NOP9: variants seen among roughly 807,000 people sequenced by gnomAD.
The protein encoded by NOP9 is nucleolar protein 9.
NOP9 carries 50 observed loss-of-function variants against 63.0 expected under a neutral mutation model. That is an observed-to-expected ratio of 0.79 (90% CI 0.63 to 1.00). NOP9 has a LOEUF of 1.00. Ranked by LOEUF, NOP9 falls within the 50% of genes least tolerant of loss-of-function variation. The pLI is 0.00. For synonymous variants in NOP9, 343 were observed against 332.8 expected, an observed-to-expected ratio of 1.03 and a Z score of -0.33; for missense variants, 758 against 803.0, an observed-to-expected ratio of 0.94 and a Z score of 0.68.
intron 6 of NOP9, 34 bp downstream of exon 6, chr14:24,303,248 C>T (rs764103207): frequency 1.9e-6 from 3 of 1,612,836 alleles, no homozygotes; most frequent in South Asian, 1.1e-5. Context: ...TGTTTATGCC[C>T]TCAGTTCAAC....
the NOP9 span, chr14:24,271,799 G>A: frequency 6.6e-6 from 1 of 152,148 alleles, no homozygotes; most frequent in African/African-American, 2.4e-5. Context: ...TAGTGGAAGA[G>A]GTTTCTCCAA....
Position 24,305,952 on chromosome 14 carries a change from T to C in NOP9, c.*857T>C. The C allele has an allele frequency of 6.2e-7, 1 of 1,613,378 alleles. No homozygotes were observed. The highest frequency in any genetic ancestry group is 8.5e-7 in the Non-Finnish European group (1 of 1,179,524). On this transcript the variant is annotated 3_prime_UTR_variant, in exon 10 of 10. Coordinates refer to ENST00000267425, the MANE Select transcript of NOP9 (RefSeq NM_174913.3). ...ATGACATGTTGATTTCTGACCTGAG[T>C]ACTTTCTTTGGGCCAAGTCCTTGAA...
In NOP9 at chr14:24,307,432, T is replaced by A. The variant is rs1007529505; in HGVS notation, c.*2337T>A. 10 of 1,613,916 alleles carry A rather than the reference T, an allele frequency of 6.2e-6. No homozygotes were observed. In the African/African-American group the frequency reaches 9.4e-5, roughly 15 times the overall value. ...GCCTTTCCGGATGGTCCGCTTGTGA[T>A]CACAGACACGGAAAGGTCGCTGGGG... On this transcript the variant is annotated 3_prime_UTR_variant, in exon 10 of 10. Coordinates refer to ENST00000267425, the MANE Select transcript of NOP9 (RefSeq NM_174913.3).
upstream of NOP9, chr14:24,296,781 C>G: frequency 6.2e-7 from 1 of 1,614,160 alleles, no homozygotes; most frequent in East Asian, 2.2e-5. Flanking sequence ...ATCTAGACGC[C>G]CTTGCTGTTC....
rs1244895288 is a variant in NOP9, at chr14:24,305,506, A to G, written c.*411A>G. 7 of 1,158,488 alleles carry G rather than the reference A, an allele frequency of 6.0e-6. No individual in the cohort carries two copies. The highest frequency in any genetic ancestry group is 8.6e-6 in the Non-Finnish European group (7 of 815,628). 71.8% of individuals were successfully genotyped at this position (1,158,488 alleles called of 1,614,324 possible). A position where few individuals can be genotyped will look rare whatever the true frequency, so the allele number is the denominator to read the frequency against. The stretch of plus-strand genomic sequence containing the variant: ...TGAAAGGTTCTGTCACGAGGGGATC[A>G]GAGGACAGTGGGGAAATTGGGTGGG... On this transcript the variant is annotated 3_prime_UTR_variant, in exon 10 of 10. Coordinates refer to ENST00000267425, the MANE Select transcript of NOP9 (RefSeq NM_174913.3).
chr14:24,296,362 A>G, upstream of NOP9: 2 of 760,468 alleles, frequency 2.6e-6, no homozygotes, highest in Non-Finnish European at 4.4e-6. Context: ...GAACTTCTCC[A>G]GAGGTAAGTG....
upstream of NOP9, chr14:24,299,301 G>A: frequency 1.7e-6 from 1 of 594,304 alleles, no homozygotes; most frequent in East Asian, 2.9e-5. Context: ...CTGAGGACAA[G>A]GCTGACTGTC....
At chr14:24,292,224 A>G in the NOP9 span, 6 of 1,613,982 alleles carry the variant, frequency 3.7e-6, no homozygotes, top group South Asian at 6.6e-5. Context: ...CTCCTTTGCC[A>G]TATGCTCCTT....
At chr14:24,303,924 T>G (rs2041425376) in intron 7 of NOP9, 67 bp downstream of exon 7, 2 of 1,600,248 alleles carry the variant, frequency 1.2e-6, no homozygotes, top group Non-Finnish European at 1.7e-6. Flanking sequence ...TTAGCAAGCG[T>G]CTGACTTCTG....
rs2041576346 is a variant in NOP9, at chr14:24,308,095, T to C, written c.*3000T>C. The C allele has an allele frequency of 3.5e-6, 2 of 575,268 alleles. No individual in the cohort carries two copies. Among genetic ancestry groups the C allele is most frequent in the Non-Finnish European group, 6.3e-6 (2 of 319,620 alleles). The allele number at this position is 575,268 out of a possible 1,614,324, so 35.6% of individuals were successfully genotyped here. A position where few individuals can be genotyped will look rare whatever the true frequency, so the allele number is the denominator to read the frequency against. ...AGGAAGAATTGCCTGGCAAAAGCCA[T>C]TGGAGCTTGTATGTGTGTCTTTGGT... On this transcript the variant is annotated 3_prime_UTR_variant, in exon 10 of 10. Transcript: ENST00000267425.
chr14:24,290,250 C>T, the NOP9 span, among the ~76,000 whole-genome samples: 2 of 152,250 alleles, frequency 1.3e-5, no homozygotes, highest in Admixed American at 6.5e-5. Context: ...ACCTTCTCCC[C>T]AAGTTCCAGG....
the NOP9 span, chr14:24,291,231 C>CA: frequency 1.2e-6 from 2 of 1,613,986 alleles, no homozygotes; most frequent in African/African-American, 1.3e-5. Flanking sequence ...TGCGGGCACA[C>CA]AGACAGGTGG....
chr14:24,290,072 A>G, the NOP9 span, among the ~76,000 whole-genome samples: 4 of 152,274 alleles, frequency 2.6e-5, no homozygotes, highest in Non-Finnish European at 5.9e-5. Context: ...AACACACCCC[A>G]TTGCCTTGCC....
At chr14:24,298,047 A>C (rs565197099), upstream of NOP9, among the ~76,000 whole-genome samples, 16 of 152,070 alleles carry the variant, frequency 1.1e-4, no homozygotes, top group East Asian at 3.1e-3. Flanking sequence ...CTTCATTTTT[A>C]ATTAAAATTT....
At position 24,302,262 on chromosome 14, in the gene NOP9, G is replaced by C; in HGVS notation, c.981G>C (p.Thr327=). 6.2e-7 allele frequency: 1 copy of C among 1,613,660 alleles called. No homozygotes were observed. The highest frequency in any genetic ancestry group is 8.5e-7 in the Non-Finnish European group (1 of 1,179,602). ...TACTGCTATTTCTCCGAGATCAGAC[G>C]AGTTCCAGACTCCTGGAGCAGGTCC... ...SPLLLFLRDQ[T]SSRLLEQVLL... Residue 327 remains threonine (T), a synonymous_variant, in exon 5 of 10, where the codon ACG becomes ACC. Coordinates refer to ENST00000267425, the MANE Select transcript of NOP9 (RefSeq NM_174913.3).
chr14:24,296,474 T>G (rs371691596), upstream of NOP9: 391 of 1,608,834 alleles, frequency 2.4e-4, no homozygotes, highest in Non-Finnish European at 3.1e-4. Flanking sequence ...GCTAAGTGAG[T>G]GAGGGAACAT....
chr14:24,306,065 C>G lies in NOP9; in HGVS notation c.*970C>G. On this transcript the variant is annotated 3_prime_UTR_variant, in exon 10 of 10. Coordinates refer to ENST00000267425, the MANE Select transcript of NOP9 (RefSeq NM_174913.3). The stretch of plus-strand genomic sequence containing the variant: ...TCTCGAGGGTTTTGCTTGTACACGT[C>G]AAAGGTGAATCGGGCGATGTCCTTG... 6.2e-7 allele frequency: 1 copy of G among 1,614,172 alleles called. No individual in the cohort carries two copies. The highest frequency in any genetic ancestry group is 8.5e-7 in the Non-Finnish European group (1 of 1,180,024).
chr14:24,296,979 T>A (rs971641434), upstream of NOP9: 2 of 1,539,302 alleles, frequency 1.3e-6, no homozygotes, highest in African/African-American at 1.4e-5. Flanking sequence ...GAGAAGACAA[T>A]CAATCCTAGG....
At chr14:24,282,679 T>C in the NOP9 span, among the ~76,000 whole-genome samples, 3 of 152,142 alleles carry the variant, frequency 2.0e-5, no homozygotes, top group African/African-American at 7.2e-5. Flanking sequence ...TACTTGCTAA[T>C]AGAAATTGCA....
Sources: gnomAD v4.1 joint callset for allele counts (sites outside exome capture counted in the v4.1 genomes callset) on GRCh38, gnomAD v4.1.1 for gene constraint, MANE v1.5 for transcripts, NCBI Gene and HGNC (gene_info 2026-07-23, HGNC 2026-07-21) for gene names.